The following PRKDC variants were observed in gnomAD, a reference collection of about 807,000 sequenced individuals.
The protein encoded by PRKDC is protein kinase, DNA-activated, catalytic subunit.
A neutral mutation model predicts 486.9 loss-of-function variants in PRKDC; 82 were observed. That is an observed-to-expected ratio of 0.17 (90% CI 0.14 to 0.20). The LOEUF (loss-of-function observed/expected upper bound fraction) is 0.20, where lower values mean the gene tolerates loss of function less well. Ranked by LOEUF, PRKDC falls within the 10% of genes least tolerant of loss-of-function variation. The probability of loss-of-function intolerance (pLI) is 1.00; values close to 1 mark genes in which losing one functional copy is unlikely to be tolerated. For synonymous variants in PRKDC, 1,895 were observed against 1,837.0 expected (o/e 1.03, Z -0.81); for missense variants, 4,504 against 5,038.2 (o/e 0.89, Z 3.21).
At position 47,799,382 on chromosome 8, in the gene PRKDC, C is replaced by T. The variant is rs747069887; in HGVS notation, c.10125G>A (p.Ala3375=). The T allele has an allele frequency of 6.5e-6, 10 of 1,547,278 alleles. No individual in the cohort carries two copies. The East Asian group carries it at 9.1e-5, about 14-fold the overall frequency. ...GCTGGAATGCTCTCTGGTACAGACC[C>T]GCGATCACCTGGAATTCACAGAGAC... The part of the protein sequence containing the change: ...SSSEDSEKVI[A]GLYQRAFQHL... The change falls in exon 72 of 86, where the codon GCG becomes GCA. Residue 3375 remains alanine (A), a synonymous_variant. Transcript: ENST00000314191.
chr8:47,879,677 A>T lies in PRKDC; in HGVS notation c.5068-19T>A, dbSNP rs370280013. 10 of 1,518,578 alleles carry T rather than the reference A, an allele frequency of 6.6e-6. No individual in the cohort carries two copies. The highest frequency in any genetic ancestry group is 7.9e-6 in the Non-Finnish European group (9 of 1,140,344). The allele number at this position is 1,518,578 out of a possible 1,614,324, so 94.1% of individuals were successfully genotyped here. A position where few individuals can be genotyped will look rare whatever the true frequency, so the allele number is the denominator to read the frequency against. On this transcript the variant is annotated intron_variant, in intron 38 of 85. Coordinates refer to ENST00000314191, the MANE Select transcript of PRKDC (RefSeq NM_006904.7). The stretch of plus-strand genomic sequence containing the variant: ...CTTGGCCCTGTGGAGCAAGACAGAC[A>T]TAAGAAACTGCACGAATTATGGCTT...
chr8:47,906,308 C>A (rs1187403020), intron 25 of PRKDC, among the ~76,000 whole-genome samples: 1 of 152,014 alleles, frequency 6.6e-6, no homozygotes, highest in Non-Finnish European at 1.5e-5. Flanking sequence ...GACTGCACTA[C>A]TGCACTCCAG....
intron 22 of PRKDC, 25 bp downstream of exon 22, chr8:47,918,252 A>G: frequency 6.9e-7 from 1 of 1,455,146 alleles, no homozygotes. Flanking sequence ...TATGTAAGGT[A>G]CAGAAAATAC....
chr8:47,889,291 C>T (rs2089405628), intron 32 of PRKDC, 69 bp from the exon 33 acceptor site: 3 of 1,378,916 alleles, frequency 2.2e-6, no homozygotes. Flanking sequence ...GTGCAGGGCC[C>T]ACAAGGTTGG....
chr8:47,891,564 C>T (rs1348135790), intron 31 of PRKDC, among the ~76,000 whole-genome samples: 1 of 151,712 alleles, frequency 6.6e-6, no homozygotes, highest in Non-Finnish European at 1.5e-5. Context: ...ACTAAAAATA[C>T]AAAAAATTAG....
intron 70 of PRKDC, among the ~76,000 whole-genome samples, chr8:47,802,841 G>T (rs2087137546): frequency 6.6e-6 from 1 of 152,080 alleles, no homozygotes; most frequent in African/African-American, 2.4e-5. Context: ...TTTCAGTGGA[G>T]ACGGGGTTTC....
At chr8:47,887,898 C>G (rs2089371659) in intron 34 of PRKDC, among the ~76,000 whole-genome samples, 193 bp from the exon 35 acceptor site, 1 of 152,174 alleles carries the variant, frequency 6.6e-6, no homozygotes, top group Non-Finnish European at 1.5e-5. Context: ...CTCTGTCGCC[C>G]AGGCTGGAGT....
chr8:47,861,784 C>T (rs2088683038), intron 44 of PRKDC, among the ~76,000 whole-genome samples: 1 of 152,218 alleles, frequency 6.6e-6, no homozygotes, highest in Admixed American at 6.5e-5. Context: ...TGGAGCAATT[C>T]ACTTAGAAAA....
rs1263204408 is a variant in PRKDC at position 47,914,324 on chromosome 8, TTAAAG to T, written c.2618-265_2618-261del. 1.1e-4 allele frequency among the ~76,000 whole-genome samples: 17 copies of T among 152,262 alleles called. No individual in the cohort carries two copies. In the East Asian group the frequency reaches 1.7e-3, roughly 16 times the overall value. On this transcript the variant is annotated intron_variant, in intron 23 of 85. Transcript: ENST00000314191. Reference sequence around the variant, plus strand: ...AATATCCAAATTCAGTAAGAGTTACTTAAAGTATTTTGTAGAAGAAAGTCAATGAA... The same window carrying T: ...AATATCCAAATTCAGTAAGAGTTACTTATTTTGTAGAAGAAAGTCAATGAA...
chr8:47,800,139 C>T (rs1589704689), intron 71 of PRKDC, among the ~76,000 whole-genome samples: 2 of 152,184 alleles, frequency 1.3e-5, no homozygotes, highest in African/African-American at 4.8e-5. Context: ...AATCATGCTG[C>T]TATAAAGACA....
intron 40 of PRKDC, among the ~76,000 whole-genome samples, chr8:47,870,902 C>T (rs2088936442): frequency 1.3e-5 from 2 of 152,090 alleles, no homozygotes; most frequent in South Asian, 4.1e-4. Context: ...TAAAAAGAAT[C>T]AAGCAGAAAT....
intron 60 of PRKDC, 84 bp from the exon 61 acceptor site, chr8:47,830,820 C>T (rs1039830468): frequency 3.8e-6 from 6 of 1,559,612 alleles, no homozygotes; most frequent in African/African-American, 1.4e-5. Flanking sequence ...CTGCCAGGAT[C>T]CCCTGAACCA....
At position 47,819,408 on chromosome 8, in the gene PRKDC, T is replaced by C. The variant is rs781530600; in HGVS notation, c.9439A>G (p.Lys3147Glu). ...GACCGATGAAAAAAATTACCTTGTT[T>C]GCTTATAAAGCTGATGAACTCCTGA... ...EIQEFISFIS[K>E]QGNLSSQVPL... is the part of the protein sequence containing the mutation. The change falls in exon 67 of 86, where the codon AAA becomes GAA. Residue 3147 changes from lysine (K) to glutamate (E), a missense_variant. This residue lies in a region of PRKDC where 1,592 missense variants were observed against 1,724.6 expected (regional missense o/e 0.92). Coordinates refer to ENST00000314191, the MANE Select transcript of PRKDC (RefSeq NM_006904.7). The C allele has an allele frequency of 6.6e-6, 10 of 1,525,756 alleles. No homozygotes were observed. The South Asian group carries it at 1.3e-4, about 20-fold the overall frequency. 94.5% of individuals were successfully genotyped at this position (1,525,756 alleles called of 1,614,324 possible). A position where few individuals can be genotyped will look rare whatever the true frequency, so the allele number is the denominator to read the frequency against.
At position 47,888,611 on chromosome 8, in the gene PRKDC, G is replaced by C; in HGVS notation, c.4320C>G (p.Asp1440Glu). Residue 1440 changes from aspartate (D) to glutamate (E), a missense_variant, in exon 34 of 86, where the codon GAC becomes GAG. By Grantham distance (45) the Asp-to-Glu change is conservative (BLOSUM62 2). Coordinates refer to ENST00000314191, the MANE Select transcript of PRKDC (RefSeq NM_006904.7). ...CCAGCCTGCTCCTGTCCACTTGCGC[G>C]TCAGGGCCATACAAGTTGACGGCAC... The part of the protein sequence containing the change: ...ELCAVNLYGP[D>E]AQVDRSRLAA... 6.3e-7 allele frequency: 1 copy of C among 1,594,250 alleles called. No homozygotes were observed. The highest frequency in any genetic ancestry group is 8.5e-7 in the Non-Finnish European group (1 of 1,170,244).
rs2088353012 is a variant in PRKDC at position 47,849,437 on chromosome 8, C to A, written c.7072G>T (p.Asp2358Tyr). The A allele has an allele frequency of 1.2e-6, 2 of 1,613,908 alleles. No individual in the cohort carries two copies. The highest frequency in any genetic ancestry group is 1.3e-5 in the African/African-American group (1 of 74,940). ...QLKQHQNTME[D>Y]KFIVCLNKVT... ...TTGTTCAAGCACACAATAAACTTGT[C>A]CTCCATAGTATTCTGATGTTGCTTC... is the stretch of plus-strand genomic sequence containing the variant. Residue 2358 changes from aspartate (D) to tyrosine (Y), a missense_variant, in exon 53 of 86, where the codon GAC becomes TAC. This residue lies in a region of PRKDC where 1,592 missense variants were observed against 1,724.6 expected (regional missense o/e 0.92). Coordinates refer to ENST00000314191, the MANE Select transcript of PRKDC (RefSeq NM_006904.7).
intron 73 of PRKDC, among the ~76,000 whole-genome samples, chr8:47,795,339 G>A (rs558201004): frequency 2.7e-5 from 4 of 149,704 alleles, no homozygotes; most frequent in Admixed American, 6.7e-5. Context: ...ACAGGCGCCT[G>A]CCACCACGCC....
Position 47,855,362 on chromosome 8 carries a change from T to C in PRKDC, c.6621A>G (p.Lys2207=), listed in dbSNP as rs757287016. The C allele has an allele frequency of 1.6e-5, 26 of 1,596,116 alleles. No homozygotes were observed. The Admixed American group carries it at 2.1e-4, about 13-fold the overall frequency. Residue 2207 remains lysine (K), a synonymous_variant, in exon 50 of 86, where the codon AAA becomes AAG. Coordinates refer to ENST00000314191, the MANE Select transcript of PRKDC (RefSeq NM_006904.7). ...TGLATPTGVP[K]DEVLANRLLN... ...GCAATCGATTTGCTAACACTTCATC[T>C]TTAGGGACCCCCTGAAAAGGTACAG...
At chr8:47,949,876 T>C (rs1022613362) in intron 7 of PRKDC, among the ~76,000 whole-genome samples, 6 of 152,058 alleles carry the variant, frequency 3.9e-5, no homozygotes, top group African/African-American at 1.2e-4. Flanking sequence ...GCTGCCTACA[T>C]AGGTTAAAAA....
intron 48 of PRKDC, 148 bp from the exon 49 acceptor site, chr8:47,857,447 T>G: frequency 1.3e-6 from 1 of 794,610 alleles, no homozygotes; most frequent in South Asian, 2.0e-5. Context: ...AGTGAAGGCA[T>G]TAGTGTGGGC....
Sources: allele counts gnomAD v4.1 joint callset (sites outside exome capture counted in the v4.1 genomes callset), GRCh38; gene constraint gnomAD v4.1.1; regional missense constraint gnomAD v4.1.1; transcripts MANE v1.5; gene names NCBI Gene and HGNC (gene_info 2026-07-23, HGNC 2026-07-21).